NRP1: variants seen among roughly 807,000 people sequenced by gnomAD.
NRP1 encodes neuropilin 1.
A neutral mutation model predicts 106.7 loss-of-function variants in NRP1; 35 were observed. The ratio of observed to expected loss-of-function variants is 0.33; its 90% CI spans 0.25 to 0.43. NRP1 has a LOEUF of 0.43. Among genes scored for constraint, NRP1 ranks in the 20% least tolerant of loss-of-function variants. NRP1 has a pLI of 1.00. For missense variants in NRP1, 1,024 were observed against 1,170.4 expected (o/e 0.87, Z 1.83); for synonymous variants, 437 against 417.9 (o/e 1.05, Z -0.56).
chr10:33,313,613 G>A (rs940023970), intron 2 of NRP1, among the ~76,000 whole-genome samples: 5 of 152,120 alleles, frequency 3.3e-5, no homozygotes, highest in Non-Finnish European at 5.9e-5. Context: ...TTAAAGAGAA[G>A]AGCTTCATTC....
At chr10:33,322,141 G>A (rs1010653787) in intron 2 of NRP1, among the ~76,000 whole-genome samples, 1 of 152,148 alleles carries the variant, frequency 6.6e-6, no homozygotes, top group South Asian at 2.1e-4. Flanking sequence ...GGAAGGGAAT[G>A]TGGCCTTCTC....
At position 33,203,722 on chromosome 10, in the gene NRP1, C is replaced by CTT. The variant is rs34343692; in HGVS notation, c.1760-729_1760-728dup. Among the ~76,000 whole-genome samples the CTT allele has an allele frequency of 8.8e-3, 598 of 68,142 alleles. 133 individuals are homozygous for CTT. Among genetic ancestry groups the CTT allele is most frequent in the African/African-American group, 0.024 (337 of 14,220 alleles). The allele number at this position is 68,142 out of a possible 152,430, so 44.7% of individuals were successfully genotyped here. A position where few individuals can be genotyped will look rare whatever the true frequency, so the allele number is the denominator to read the frequency against. Reference sequence around the variant, plus strand: ...GGTATCCAATATTAATCAAAGACTGCTTTTTTTTTTTTTTTTTTTTTTTTT... The same window carrying CTT: ...GGTATCCAATATTAATCAAAGACTGCTTTTTTTTTTTTTTTTTTTTTTTTTTT... On this transcript the variant is annotated intron_variant, in intron 10 of 16. Transcript: ENST00000374867.
At chr10:33,318,195 T>A (rs1847173668) in intron 2 of NRP1, among the ~76,000 whole-genome samples, 1 of 152,206 alleles carries the variant, frequency 6.6e-6, no homozygotes, top group South Asian at 2.1e-4. Flanking sequence ...AGGCAGACTC[T>A]GATGTAGGCA....
At chr10:33,271,551 A>G (rs567505892) in intron 2 of NRP1, among the ~76,000 whole-genome samples, 1 of 152,362 alleles carries the variant, frequency 6.6e-6, no homozygotes, top group African/African-American at 2.4e-5. Flanking sequence ...TGAATATTTA[A>G]AGGAATATCA....
At chr10:33,226,970 G>A (rs1246495333) in intron 6 of NRP1, among the ~76,000 whole-genome samples, 2 of 152,150 alleles carry the variant, frequency 1.3e-5, no homozygotes, top group Non-Finnish European at 2.9e-5. Context: ...ACCTCCTGAG[G>A]TTCTGTGTCA....
intron 2 of NRP1, among the ~76,000 whole-genome samples, chr10:33,310,313 C>A (rs1251282795): frequency 2.1e-5 from 3 of 140,908 alleles, no homozygotes; most frequent in Non-Finnish European, 4.5e-5. Context: ...TGCAATGGCA[C>A]CATCTCGGCT....
At chr10:33,264,401 T>C (rs974924903) in intron 3 of NRP1, among the ~76,000 whole-genome samples, 3 of 152,196 alleles carry the variant, frequency 2.0e-5, no homozygotes, top group Non-Finnish European at 4.4e-5. Context: ...AATTCGTACA[T>C]GTACCAAGGG....
intron 6 of NRP1, among the ~76,000 whole-genome samples, chr10:33,245,687 C>T (rs2133106444): frequency 6.6e-6 from 1 of 152,294 alleles, no homozygotes; most frequent in South Asian, 2.1e-4. Flanking sequence ...TTAACTTCCT[C>T]TGTGGTCTTT....
At chr10:33,260,816 T>A (rs1254035277) in intron 4 of NRP1, among the ~76,000 whole-genome samples, 1 of 152,134 alleles carries the variant, frequency 6.6e-6, no homozygotes, top group Non-Finnish European at 1.5e-5. Flanking sequence ...AGTCATTTAA[T>A]TCAGTGTTTA....
rs1054836113 is a variant in NRP1 at position 33,216,968 on chromosome 10, C to T, written c.1283-3251G>A. Among the ~76,000 whole-genome samples the T allele has an allele frequency of 3.3e-5, 5 of 152,000 alleles. No homozygotes were observed. In the East Asian group the frequency reaches 9.6e-4, roughly 29 times the overall value. On this transcript the variant is annotated intron_variant, in intron 8 of 16. Coordinates refer to ENST00000374867, the MANE Select transcript of NRP1 (RefSeq NM_003873.7). ...CAATTGCCCTTTCCTGTAACTTAAC[C>T]ACAGTATTTGCTCCAGGCTGGGATC...
intron 6 of NRP1, among the ~76,000 whole-genome samples, chr10:33,240,494 C>T (rs1426525962): frequency 6.6e-6 from 1 of 152,180 alleles, no homozygotes; most frequent in Admixed American, 6.5e-5. Context: ...CCCCTTTAAG[C>T]TTGGTTTCAA....
intron 11 of NRP1, chr10:33,201,786 TAA>T: frequency 6.6e-6 from 1 of 152,318 alleles, no homozygotes; most frequent in Non-Finnish European, 1.5e-5. Flanking sequence ...TTCACAGTAC[TAA>T]ATTTCTGGGA....
At position 33,271,622 on chromosome 10, in the gene NRP1, T is replaced by C. The variant is rs1174932354; in HGVS notation, c.249-766A>G. On this transcript the variant is annotated intron_variant, in intron 2 of 16. Coordinates refer to ENST00000374867, the MANE Select transcript of NRP1 (RefSeq NM_003873.7). ...AAAGAAACGCTTGATACCACAAAAG[T>C]GATGAGATTTAAAATTCAGGCTTAA... Among the ~76,000 whole-genome samples the C allele has an allele frequency of 3.9e-5, 6 of 152,290 alleles. No individual in the cohort carries two copies. The East Asian group carries it at 1.2e-3, about 29-fold the overall frequency.
At chr10:33,231,477 C>T (rs1840121329) in intron 6 of NRP1, among the ~76,000 whole-genome samples, 1 of 152,236 alleles carries the variant, frequency 6.6e-6, no homozygotes, top group African/African-American at 2.4e-5. Flanking sequence ...GTCATATTAC[C>T]TCTATGCCTG....
At chr10:33,307,940 CA>C (rs1477366265) in intron 2 of NRP1, among the ~76,000 whole-genome samples, 1 of 151,984 alleles carries the variant, frequency 6.6e-6, no homozygotes, top group Non-Finnish European at 1.5e-5. Flanking sequence ...GCACTATTAG[CA>C]ATAGCAAATA....
intron 11 of NRP1, among the ~76,000 whole-genome samples, chr10:33,198,470 A>G (rs1054787680): frequency 2.0e-5 from 3 of 152,134 alleles, no homozygotes; most frequent in South Asian, 2.1e-4. Context: ...AACGTATCCT[A>G]ACACCTTTCT....
Position 33,207,710 on chromosome 10 carries a change from C to G in NRP1, c.1621G>C (p.Glu541Gln). Residue 541 changes from glutamate (E) to glutamine (Q), a missense_variant, in exon 10 of 17, where the codon GAG becomes CAG. This residue lies in a region of NRP1 where 562 missense variants were observed against 620.3 expected (regional missense o/e 0.91). Coordinates refer to ENST00000374867, the MANE Select transcript of NRP1 (RefSeq NM_003873.7). ...GGTGTATCATAGTTGTTGTTGCCCT[C>G]AAAAGACTGTGAAGCATGGAAAACA... ...DDSKRKAKSFEGNNNYDTPEL... is the reference protein window; with the variant it reads ...DDSKRKAKSFQGNNNYDTPEL... 5.0e-6 allele frequency: 8 copies of G among 1,611,558 alleles called. No homozygotes were observed. The highest frequency in any genetic ancestry group is 6.8e-6 in the Non-Finnish European group (8 of 1,179,070).
chr10:33,302,788 C>T (rs1322994830), intron 2 of NRP1, among the ~76,000 whole-genome samples: 2 of 152,166 alleles, frequency 1.3e-5, no homozygotes, highest in Non-Finnish European at 2.9e-5. Flanking sequence ...CCCCAGCAAC[C>T]TTGAGGGTCT....
chr10:33,284,177 T>C (rs1564454256), intron 2 of NRP1, among the ~76,000 whole-genome samples: 1 of 152,236 alleles, frequency 6.6e-6, no homozygotes, highest in Non-Finnish European at 1.5e-5. Context: ...AATGTTGTTC[T>C]TTACCTTCTT....
Sources: gnomAD v4.1 joint callset for allele counts (sites outside exome capture counted in the v4.1 genomes callset) on GRCh38, gnomAD v4.1.1 for gene constraint, gnomAD v4.1.1 regional missense constraint, MANE v1.5 for transcripts, NCBI Gene and HGNC (gene_info 2026-07-23, HGNC 2026-07-21) for gene names.